Variants in DOP1A observed in about 807,000 individuals in gnomAD.
DOP1A encodes the protein DOP1 leucine zipper like protein A, also known as protein DOP1A.
A neutral mutation model predicts 267.6 loss-of-function variants in DOP1A; 90 were observed. The ratio of observed to expected loss-of-function variants is 0.34; its 90% CI spans 0.28 to 0.40. The LOEUF is 0.40. Among genes scored for constraint, DOP1A ranks in the 10% least tolerant of loss-of-function variants. The pLI, the probability that DOP1A is intolerant of heterozygous loss-of-function variation, is 1.00. For missense variants in DOP1A, 2,437 were observed against 2,900.4 expected (o/e 0.84, Z 3.67); for synonymous variants, 932 against 999.1 (o/e 0.93, Z 1.27).
intron 38 of DOP1A, 135 bp from the exon 39 acceptor site, chr6:83,167,727 C>T: frequency 7.1e-7 from 1 of 1,407,870 alleles, no homozygotes. Flanking sequence ...GGGTTTTGAT[C>T]AGGTCAGGAG....
downstream of DOP1A, among the ~76,000 whole-genome samples, chr6:83,170,032 T>C (rs561264331): frequency 3.3e-5 from 5 of 152,242 alleles, no homozygotes; most frequent in Admixed American, 6.5e-5. Context: ...ACTAAGTATT[T>C]ATTAGTTATT....
In DOP1A at chr6:83,125,187, CTG is replaced by C; in HGVS notation, c.1481_1482del (p.Cys494SerfsTer6). Reference sequence around the variant, plus strand: ...GAAGCCTACTAGAAGTATGAGGGTGCTGTGTCAGGTATGACATTCAGCCTGTT... The same window carrying C: ...GAAGCCTACTAGAAGTATGAGGGTGCTGTCAGGTATGACATTCAGCCTGTT... ...VSLPTRSMRV[L>X]CQETYIEIQT... On this transcript the variant is annotated frameshift_variant, in exon 14 of 39. Coordinates refer to ENST00000349129, the MANE Select transcript of DOP1A (RefSeq NM_015018.4). LOFTEE classifies it high-confidence loss of function. The C allele has an allele frequency of 1.9e-6, 3 of 1,580,106 alleles. No homozygotes were observed. The highest frequency in any genetic ancestry group is 2.6e-6 in the Non-Finnish European group (3 of 1,170,176).
chr6:83,162,999 G>A, intron 38 of DOP1A, 80 bp downstream of exon 38: 1 of 1,436,394 alleles, frequency 7.0e-7, no homozygotes, highest in Non-Finnish European at 9.3e-7. Flanking sequence ...TACTTCCTGG[G>A]AAACTGAGAA....
intron 18 of DOP1A, among the ~76,000 whole-genome samples, chr6:83,133,377 G>A (rs114730005): frequency 0.011 from 1,637 of 152,082 alleles, 39 homozygotes; most frequent in African/African-American, 0.036. Context: ...ATTTCTGGTG[G>A]TTGATACAAA....
At chr6:83,071,540 G>C (rs895260137) in intron 1 of DOP1A, among the ~76,000 whole-genome samples, 8 of 151,986 alleles carry the variant, frequency 5.3e-5, no homozygotes, top group African/African-American at 1.9e-4. Flanking sequence ...ACTTAGCTCT[G>C]CCCTCGGATC....
At chr6:83,164,786 A>G (rs1416787365) in intron 38 of DOP1A, 3 of 1,329,270 alleles carry the variant, frequency 2.3e-6, no homozygotes, top group African/African-American at 2.9e-5. Flanking sequence ...ACACAAACCC[A>G]GGTCTGAATG....
At chr6:83,167,441 G>A (rs932604135) in intron 38 of DOP1A, 6 of 980,714 alleles carry the variant, frequency 6.1e-6, no homozygotes, top group African/African-American at 1.8e-5. Flanking sequence ...AATAAAAGGG[G>A]ATATATTATG....
chr6:83,069,332 T>G (rs974243198), intron 1 of DOP1A, among the ~76,000 whole-genome samples: 1 of 152,190 alleles, frequency 6.6e-6, no homozygotes, highest in African/African-American at 2.4e-5. Flanking sequence ...AGGTTTAACT[T>G]TTTTGCTTAT....
At chr6:83,169,393 T>G, downstream of DOP1A, 1 of 1,569,770 alleles carries the variant, frequency 6.4e-7, no homozygotes, top group African/African-American at 1.4e-5. Flanking sequence ...AAGACCATGT[T>G]ACTTGGAACT....
chr6:83,109,145 T>A, intron 5 of DOP1A, 65 bp downstream of exon 5: 1 of 1,441,412 alleles, frequency 6.9e-7, no homozygotes, highest in South Asian at 1.2e-5. Context: ...CATATTTAGG[T>A]CAAATATGTT....
intron 20 of DOP1A, among the ~76,000 whole-genome samples, chr6:83,136,175 T>G (rs1778837450): frequency 6.6e-6 from 1 of 152,152 alleles, no homozygotes; most frequent in Non-Finnish European, 1.5e-5. Context: ...AGTTAGCAAT[T>G]CTGGTCCTAC....
At chr6:83,081,690 G>A (rs986793285) in intron 1 of DOP1A, among the ~76,000 whole-genome samples, 1 of 152,080 alleles carries the variant, frequency 6.6e-6, no homozygotes, top group Non-Finnish European at 1.5e-5. Context: ...AGACAAATGG[G>A]GTTATATGAA....
chr6:83,164,545 A>G, intron 38 of DOP1A: 1 of 1,002,118 alleles, frequency 1.0e-6, no homozygotes, highest in Non-Finnish European at 1.5e-6. Flanking sequence ...AGAATAAGAA[A>G]ACTATTTTGA....
chr6:83,156,925 TTAGAG>T lies in DOP1A; in HGVS notation c.6605-254_6605-250del, dbSNP rs775615912. Among the ~76,000 whole-genome samples the T allele has an allele frequency of 2.6e-5, 4 of 152,198 alleles. No individual in the cohort carries two copies. In the South Asian group the frequency reaches 6.2e-4, roughly 24 times the overall value. On this transcript the variant is annotated intron_variant, in intron 34 of 38. Coordinates refer to ENST00000349129, the MANE Select transcript of DOP1A (RefSeq NM_015018.4). ...TTATCCCATCCATAAGTACAAAACT[TTAGAG>T]TAAACATTTTAAACTTTTATTTGCT...
In DOP1A at chr6:83,157,429, TA is replaced by T. The variant is rs1783033540; in HGVS notation, c.6741+114del. ...TATTGGGAGAGAACTGAGCTGTAGT[TA>T]AACCAGTTACTGATGCTTTTTACAG... On this transcript the variant is annotated intron_variant, in intron 35 of 38. Coordinates refer to ENST00000349129, the MANE Select transcript of DOP1A (RefSeq NM_015018.4). 2.7e-6 allele frequency: 3 copies of T among 1,130,772 alleles called. No homozygotes were observed. In the East Asian group the frequency reaches 7.2e-5, roughly 27 times the overall value. The allele number at this position is 1,130,772 out of a possible 1,614,324, so 70.0% of individuals were successfully genotyped here. A position where few individuals can be genotyped will look rare whatever the true frequency, so the allele number is the denominator to read the frequency against.
chr6:83,112,447 A>G (rs192310770), intron 6 of DOP1A, among the ~76,000 whole-genome samples: 162 of 152,270 alleles, frequency 1.1e-3, no homozygotes, highest in African/African-American at 3.5e-3. Context: ...ATAAAGTGAT[A>G]GAAACCTAAC....
intron 18 of DOP1A, among the ~76,000 whole-genome samples, chr6:83,133,795 T>C (rs937071207): frequency 2.0e-5 from 3 of 152,078 alleles, no homozygotes; most frequent in South Asian, 4.1e-4. Context: ...AAAAAATATA[T>C]AGTGCAATGA....
chr6:83,078,191 A>G (rs1287107464), intron 1 of DOP1A, among the ~76,000 whole-genome samples: 3 of 152,214 alleles, frequency 2.0e-5, no homozygotes, highest in Non-Finnish European at 4.4e-5. Flanking sequence ...AGAAGTGTGA[A>G]TAAGATTGAA....
In DOP1A at chr6:83,132,300, T is replaced by C. The variant is rs775103034; in HGVS notation, c.2741T>C (p.Ile914Thr). Reference protein sequence around the residue: ...VPSSSICEDVISQQLTHKDKK... With the variant: ...VPSSSICEDVTSQQLTHKDKK... ...TCTTCTAGCATCTGTGAGGATGTTATAAGTCAGCAGTTAACCCATAAAGAT... is the reference window on the plus strand; with the variant it reads ...TCTTCTAGCATCTGTGAGGATGTTACAAGTCAGCAGTTAACCCATAAAGAT... Residue 914 changes from isoleucine to threonine, a missense_variant, in exon 18 of 39, where the codon ATA (isoleucine) becomes ACA (threonine). Ile to Thr is a moderately conservative substitution (Grantham distance 89). Around this residue, in one of 9 missense-constraint regions of DOP1A, gnomAD observed 878 missense variants for 992.9 expected, o/e 0.88. Transcript: ENST00000349129. The C allele has an allele frequency of 6.2e-6, 10 of 1,612,578 alleles. No homozygotes were observed. In the Admixed American group the frequency reaches 6.7e-5, roughly 11 times the overall value.
Sources: gnomAD v4.1 joint callset for allele counts (sites outside exome capture counted in the v4.1 genomes callset) on GRCh38, gnomAD v4.1.1 for gene constraint, gnomAD v4.1.1 regional missense constraint, MANE v1.5 for transcripts, NCBI Gene and HGNC (gene_info 2026-07-23, HGNC 2026-07-21) for gene names.